PTDSS1: variants seen among roughly 807,000 people sequenced by gnomAD.
The protein encoded by PTDSS1 is PSS-1.
Under a neutral mutation model 70.5 loss-of-function variants are expected in PTDSS1, and 45 were observed. The ratio of observed to expected loss-of-function variants is 0.64; its 90% CI spans 0.50 to 0.82. The LOEUF is 0.82. PTDSS1 is among the 40% of genes least tolerant of loss of function. PTDSS1 has a pLI of 0.00. For missense variants in PTDSS1, 417 were observed against 586.1 expected, an observed-to-expected ratio of 0.71 and a Z score of 2.98; for synonymous variants, 188 against 203.8, an observed-to-expected ratio of 0.92 and a Z score of 0.66.
intron 4 of PTDSS1, among the ~76,000 whole-genome samples, chr8:96,291,673 G>A (rs1810906881): frequency 6.6e-6 from 1 of 152,086 alleles, no homozygotes; most frequent in Non-Finnish European, 1.5e-5. Flanking sequence ...AAACCACATT[G>A]CTTATTCTAT....
intron 9 of PTDSS1, among the ~76,000 whole-genome samples, chr8:96,312,242 G>A (rs543859114): frequency 4.3e-4 from 65 of 152,292 alleles, no homozygotes; most frequent in African/African-American, 1.5e-3. Context: ...CTTGACGCCC[G>A]GAGTTTGAGA....
chr8:96,308,141 A>T (rs1338815856), intron 8 of PTDSS1, among the ~76,000 whole-genome samples: 1 of 152,222 alleles, frequency 6.6e-6, no homozygotes, highest in Non-Finnish European at 1.5e-5. Context: ...GTAAATCCTA[A>T]CATCTCCAGC....
intron 8 of PTDSS1, 85 bp downstream of exon 8, chr8:96,306,641 C>T: frequency 9.6e-7 from 1 of 1,039,182 alleles, no homozygotes; most frequent in Non-Finnish European, 1.5e-6. Context: ...GTCATATAAA[C>T]TAGCAGATTT....
At position 96,262,560 on chromosome 8, in the gene PTDSS1, C is replaced by G. The variant is rs1400144541; in HGVS notation, c.179+341C>G. ...ACGCGGGCCCCTCCTCTGCACTGCT[C>G]CAGCCTTCGTCCCTACCCAGCACAC... is the stretch of plus-strand genomic sequence containing the variant. On this transcript the variant is annotated intron_variant, in intron 1 of 12. Transcript: ENST00000517309. The surrounding 1 kb of genome is among the most constrained non-coding windows in gnomAD (Gnocchi z 4.4). 6.6e-6 allele frequency among the ~76,000 whole-genome samples: 1 copy of G among 152,192 alleles called. No individual in the cohort carries two copies. Among genetic ancestry groups the G allele is most frequent in the Non-Finnish European group, 1.5e-5 (1 of 68,032 alleles).
intron 9 of PTDSS1, 145 bp from the exon 10 acceptor site, chr8:96,320,101 T>G (rs1214104169): frequency 3.0e-6 from 2 of 677,192 alleles, no homozygotes; most frequent in African/African-American, 3.6e-5. Context: ...TGAACAGTGT[T>G]ATTTTGTGGG....
intron 4 of PTDSS1, among the ~76,000 whole-genome samples, 194 bp from the exon 5 acceptor site, chr8:96,294,904 G>A (rs891440946): frequency 2.0e-5 from 3 of 152,214 alleles, no homozygotes; most frequent in Non-Finnish European, 4.4e-5. Flanking sequence ...GAGCAAAGCA[G>A]TTTTGATTTA....
Position 96,334,874 on chromosome 8 carries a change from C to T in PTDSS1, c.*1308C>T, listed in dbSNP as rs1811573110. 1 of 152,172 alleles carries T rather than the reference C, an allele frequency of 6.6e-6. No individual in the cohort carries two copies. The highest frequency in any genetic ancestry group is 6.5e-5 in the Admixed American group (1 of 15,272). The allele number at this position is 152,172 out of a possible 1,614,324, so 9.4% of individuals were successfully genotyped here. A position where few individuals can be genotyped will look rare whatever the true frequency, so the allele number is the denominator to read the frequency against. The stretch of plus-strand genomic sequence containing the variant: ...CAGATATCAACTCACTGAAAGTAAT[C>T]TTTTGTTCCCTCATTTCACACAGCA... On this transcript the variant is annotated 3_prime_UTR_variant, in exon 13 of 13. Coordinates refer to ENST00000517309, the MANE Select transcript of PTDSS1 (RefSeq NM_014754.3).
rs566819558 is a variant in PTDSS1, at chr8:96,336,309, C to T, written c.*2743C>T. The stretch of plus-strand genomic sequence containing the variant: ...TTCTTGGTCTTCCCTCAGAAGCCAC[C>T]GTGTAGCACCCTGGAATGATGCCTC... On this transcript the variant is annotated 3_prime_UTR_variant, in exon 13 of 13. Coordinates refer to ENST00000517309, the MANE Select transcript of PTDSS1 (RefSeq NM_014754.3). 2 of 152,128 alleles carry T rather than the reference C, an allele frequency of 1.3e-5. No individual in the cohort carries two copies. The highest frequency in any genetic ancestry group is 4.8e-5 in the African/African-American group (2 of 41,362). 9.4% of individuals were successfully genotyped at this position (152,128 alleles called of 1,614,324 possible).
intron 12 of PTDSS1, among the ~76,000 whole-genome samples, chr8:96,331,693 C>T: frequency 6.6e-6 from 1 of 152,092 alleles, no homozygotes; most frequent in Non-Finnish European, 1.5e-5. Context: ...GAGGGCCCCA[C>T]ACCATTTCAA....
intron 4 of PTDSS1, among the ~76,000 whole-genome samples, chr8:96,290,837 T>C (rs1233887276): frequency 6.8e-6 from 1 of 147,334 alleles, no homozygotes. Flanking sequence ...ATTAATATTA[T>C]AAATTAATAT....
intron 10 of PTDSS1, among the ~76,000 whole-genome samples, chr8:96,328,432 G>C (rs957301497): frequency 6.6e-6 from 1 of 152,222 alleles, no homozygotes; most frequent in Non-Finnish European, 1.5e-5. Flanking sequence ...ATTAGAGTAT[G>C]TTAAAGGTTG....
Position 96,333,893 on chromosome 8 carries a change from A to G in PTDSS1, c.*327A>G, listed in dbSNP as rs1811557554. On this transcript the variant is annotated 3_prime_UTR_variant, in exon 13 of 13. Coordinates refer to ENST00000517309, the MANE Select transcript of PTDSS1 (RefSeq NM_014754.3). Reference sequence around the variant, plus strand: ...CCAAGAGCAGCTCCGCGCCTGCTGGATCGTGGATGCAGCGTAAACATCTTC... The same window carrying G: ...CCAAGAGCAGCTCCGCGCCTGCTGGGTCGTGGATGCAGCGTAAACATCTTC... 4.9e-6 allele frequency: 3 copies of G among 611,422 alleles called. No homozygotes were observed. Among genetic ancestry groups the G allele is most frequent in the Non-Finnish European group, 8.8e-6 (3 of 340,464 alleles). 37.9% of individuals were successfully genotyped at this position (611,422 alleles called of 1,614,324 possible). A position where few individuals can be genotyped will look rare whatever the true frequency, so the allele number is the denominator to read the frequency against.
intron 2 of PTDSS1, among the ~76,000 whole-genome samples, chr8:96,274,401 T>G (rs538522894): frequency 6.6e-6 from 1 of 152,168 alleles, no homozygotes. Context: ...TTTTGTCCTA[T>G]TTTTTGAGAT....
At position 96,262,272 on chromosome 8, in the gene PTDSS1, G is replaced by A; in HGVS notation, c.179+53G>A. ...GCGTCCAAGGGCTAGGGAAGAGGCG[G>A]GAGGGAGGGTGGCGGGGAGGGGGGC... On this transcript the variant is annotated intron_variant, in intron 1 of 12. Transcript: ENST00000517309. The surrounding 1 kb of genome is among the most constrained non-coding windows in gnomAD (Gnocchi z 4.4). The A allele has an allele frequency of 1.3e-6, 2 of 1,537,510 alleles. No individual in the cohort carries two copies. The highest frequency in any genetic ancestry group is 8.9e-7 in the Non-Finnish European group (1 of 1,123,476).
chr8:96,330,782 CTTTA>C (rs1348300367), intron 11 of PTDSS1: 5 of 499,724 alleles, frequency 1.0e-5, no homozygotes, highest in Non-Finnish European at 1.8e-5. Flanking sequence ...CACTTTCATC[CTTTA>C]TTTACACCTT....
intron 10 of PTDSS1, among the ~76,000 whole-genome samples, chr8:96,320,842 G>A (rs574464963): frequency 6.6e-6 from 1 of 152,292 alleles, no homozygotes; most frequent in South Asian, 2.1e-4. Context: ...ACCCAAGCCT[G>A]GATATCACCT....
chr8:96,264,376 G>T (rs1206325111), intron 1 of PTDSS1, among the ~76,000 whole-genome samples: 2 of 152,164 alleles, frequency 1.3e-5, no homozygotes, highest in Non-Finnish European at 2.9e-5. Context: ...ATTACGATGT[G>T]ATTTCATTGA....
At chr8:96,316,776 C>T (rs568948044) in intron 9 of PTDSS1, among the ~76,000 whole-genome samples, 18 of 152,098 alleles carry the variant, frequency 1.2e-4, no homozygotes, top group African/African-American at 3.6e-4. Context: ...GGGCGGATCA[C>T]GAGGTCAGGA....
Position 96,261,926 on chromosome 8 carries a change from G to A in PTDSS1, c.-115G>A. 8.8e-7 allele frequency: 1 copy of A among 1,133,842 alleles called. No homozygotes were observed. The allele number at this position is 1,133,842 out of a possible 1,614,324, so 70.2% of individuals were successfully genotyped here. A position where few individuals can be genotyped will look rare whatever the true frequency, so the allele number is the denominator to read the frequency against. On this transcript the variant is annotated 5_prime_UTR_variant, in exon 1 of 13. Transcript: ENST00000517309. The stretch of plus-strand genomic sequence containing the variant: ...TCCCTCTGCTCCCAGCCTTTGCTGG[G>A]CGCCAGACCCGGCTTTGCCGTCCGG...
Sources: gnomAD v4.1 joint callset for allele counts (sites outside exome capture counted in the v4.1 genomes callset) on GRCh38, gnomAD v4.1.1 for gene constraint, Gnocchi (gnomAD v3.1) non-coding constraint, MANE v1.5 for transcripts, NCBI Gene and HGNC (gene_info 2026-07-23, HGNC 2026-07-21) for gene names.